Variants in CMC2 observed in about 807,000 individuals in gnomAD.
The protein encoded by CMC2 is COX assembly mitochondrial protein 2 homolog.
In CMC2, 5 loss-of-function variants were observed where a neutral mutation model predicts 7.5. The observed-to-expected ratio is 0.66, with a 90% CI of 0.35 to 1.40. CMC2 has a LOEUF of 1.40. Ranked by LOEUF, CMC2 falls within the 40% of genes most tolerant of loss-of-function variation. CMC2 has a pLI of 0.04. For synonymous variants in CMC2, 37 were observed against 31.4 expected (o/e 1.18, Z -0.60); for missense variants, 115 against 92.3 (o/e 1.25, Z -1.01).
Position 80,997,188 on chromosome 16 carries a change from T to G in CMC2, c.81+126A>C, listed in dbSNP as rs1373046625. On this transcript the variant is annotated intron_variant, in intron 2 of 3. Transcript: ENST00000219400. ...AAATCGCACATATCAACTGCTAATCTTGACTAAACTCAGACTCCTTACTAA... is the reference window on the plus strand; with the variant it reads ...AAATCGCACATATCAACTGCTAATCGTGACTAAACTCAGACTCCTTACTAA... The G allele has an allele frequency of 6.0e-6, 4 of 666,154 alleles. No individual in the cohort carries two copies. In the Admixed American group the frequency reaches 7.3e-5, roughly 12 times the overall value. 41.3% of individuals were successfully genotyped at this position (666,154 alleles called of 1,614,324 possible). A position where few individuals can be genotyped will look rare whatever the true frequency, so the allele number is the denominator to read the frequency against.
chr16:80,997,285 G>T, intron 2 of CMC2, 29 bp downstream of exon 2: 2 of 1,196,804 alleles, frequency 1.7e-6, no homozygotes, highest in Non-Finnish European at 2.5e-6. Context: ...TTTCATTTTG[G>T]CTGTACAGTC....
chr16:80,967,776 A>G lies in CMC2; in HGVS notation c.*8317T>C, dbSNP rs1911656278. 6.6e-6 allele frequency: 1 copy of G among 152,228 alleles called. No individual in the cohort carries two copies. The highest frequency in any genetic ancestry group is 1.5e-5 in the Non-Finnish European group (1 of 68,024). The allele number at this position is 152,228 out of a possible 1,614,324, so 9.4% of individuals were successfully genotyped here. On this transcript the variant is annotated 3_prime_UTR_variant, in exon 4 of 4. Coordinates refer to ENST00000219400, the MANE Select transcript of CMC2 (RefSeq NM_020188.5). ...CCAGGTCTAAATTTCTGTATGCAGA[A>G]TTGCAGAATGCTTTACTTTCTTAGC...
intron 3 of CMC2, 120 bp from the exon 4 acceptor site, chr16:80,976,299 AT>A (rs917883115): frequency 8.4e-6 from 5 of 594,994 alleles, no homozygotes; most frequent in African/African-American, 5.7e-5. Flanking sequence ...CAGGGTTTAA[AT>A]TTTTTAAACA....
At chr16:81,000,069 G>C (rs1301822907) in intron 1 of CMC2, among the ~76,000 whole-genome samples, 1 of 152,094 alleles carries the variant, frequency 6.6e-6, no homozygotes, top group Non-Finnish European at 1.5e-5. Flanking sequence ...AACAGCAAAA[G>C]AAACTATGAA....
rs1397908796 is a variant in CMC2, at chr16:80,975,056, T to C, written c.*1037A>G. ...ACCTGACAAGATCAAGCCCCTGCTGTGACTGCAGCTGGAAGCTGCTGACTT... is the reference window on the plus strand; with the variant it reads ...ACCTGACAAGATCAAGCCCCTGCTGCGACTGCAGCTGGAAGCTGCTGACTT... On this transcript the variant is annotated 3_prime_UTR_variant, in exon 4 of 4. Transcript: ENST00000219400. The C allele has an allele frequency of 6.6e-6, 1 of 152,292 alleles. No individual in the cohort carries two copies. Among genetic ancestry groups the C allele is most frequent in the East Asian group, 1.9e-4 (1 of 5,190 alleles). 9.4% of individuals were successfully genotyped at this position (152,292 alleles called of 1,614,324 possible).
intron 2 of CMC2, chr16:80,991,678 A>T (rs1968005485): frequency 4.5e-6 from 1 of 223,618 alleles, no homozygotes; most frequent in Non-Finnish European, 9.1e-6. Context: ...CACGTATCTC[A>T]GCCAGGTGAT....
At position 80,976,109 on chromosome 16, in the gene CMC2, T is replaced by C. The variant is rs1912294446; in HGVS notation, c.224A>G (p.Glu75Gly). ...AMRKKLFNPP[E>G]ESEK The stretch of plus-strand genomic sequence containing the variant: ...AAATACAATTTATTTTTCGGATTCC[T>C]CTGGAGGATTAAAAAGTTTCTTTCG... The change falls in exon 4 of 4, where the codon GAG becomes GGG. Residue 75 changes from glutamate to glycine, a missense_variant. Transcript: ENST00000219400. The C allele has an allele frequency of 6.2e-7, 1 of 1,602,516 alleles. No homozygotes were observed. Among genetic ancestry groups the C allele is most frequent in the Non-Finnish European group, 8.5e-7 (1 of 1,169,756 alleles).
chr16:80,984,125 G>C (rs1967343332), intron 2 of CMC2: 2 of 152,178 alleles, frequency 1.3e-5, no homozygotes, highest in South Asian at 2.1e-4. Context: ...GTTGTTTCTA[G>C]TCCTATGAGT....
intron 3 of CMC2, among the ~76,000 whole-genome samples, chr16:80,981,490 T>C (rs1048620723): frequency 9.9e-5 from 15 of 152,232 alleles, no homozygotes; most frequent in Non-Finnish European, 2.2e-4. Context: ...AATCAGCTAA[T>C]AGGTGACTGA....
chr16:80,978,237 T>C, intron 3 of CMC2: 1 of 1,046,966 alleles, frequency 9.6e-7, no homozygotes, highest in Non-Finnish European at 1.2e-6. Context: ...AGCTTTCATA[T>C]CTACCTTTAA....
rs1253991916 is a variant in CMC2, at chr16:80,968,562, A to C, written c.*7531T>G. 2 of 152,156 alleles carry C rather than the reference A, an allele frequency of 1.3e-5. No homozygotes were observed. Among genetic ancestry groups the C allele is most frequent in the Admixed American group, 6.5e-5 (1 of 15,282 alleles). The allele number at this position is 152,156 out of a possible 1,614,324, so 9.4% of individuals were successfully genotyped here. A position where few individuals can be genotyped will look rare whatever the true frequency, so the allele number is the denominator to read the frequency against. ...TCTTCTAGGAATGAGTTAGTTCTCT[A>C]ACTGTTGAAAATATAATCATTCCTA... On this transcript the variant is annotated 3_prime_UTR_variant, in exon 4 of 4. Transcript: ENST00000219400.
intron 1 of CMC2, 94 bp from the exon 2 acceptor site, chr16:80,997,523 G>A: frequency 3.1e-6 from 2 of 652,594 alleles, no homozygotes; most frequent in South Asian, 1.8e-5. Flanking sequence ...CTTTATCAGA[G>A]AAGTATGTTA....
rs1487473865 is a variant in CMC2, at chr16:80,976,054, A to T, written c.*39T>A. 1 of 1,143,600 alleles carries T rather than the reference A, an allele frequency of 8.7e-7. No individual in the cohort carries two copies. Among genetic ancestry groups the T allele is most frequent in the Non-Finnish European group, 1.3e-6 (1 of 753,692 alleles). 70.8% of individuals were successfully genotyped at this position (1,143,600 alleles called of 1,614,324 possible). A position where few individuals can be genotyped will look rare whatever the true frequency, so the allele number is the denominator to read the frequency against. On this transcript the variant is annotated 3_prime_UTR_variant, in exon 4 of 4. Coordinates refer to ENST00000219400, the MANE Select transcript of CMC2 (RefSeq NM_020188.5). ...TTTCAGGTATCAACCCAGAGTCTTT[A>T]GGTCTTCTCTCAGCCAAGGCATCGA...
intron 3 of CMC2, among the ~76,000 whole-genome samples, chr16:80,981,293 C>A (rs1311779520): frequency 7.9e-5 from 12 of 152,110 alleles, no homozygotes; most frequent in Non-Finnish European, 5.9e-5. Flanking sequence ...TTGCCCAAGT[C>A]CAAGTTGTGC....
intron 1 of CMC2, among the ~76,000 whole-genome samples, chr16:81,005,082 C>T (rs1486596111): frequency 6.6e-6 from 1 of 152,208 alleles, no homozygotes; most frequent in Non-Finnish European, 1.5e-5. Flanking sequence ...TGTGCAGAGT[C>T]TGAAGAAACT....
intron 1 of CMC2, among the ~76,000 whole-genome samples, chr16:81,003,766 G>C (rs1394549502): frequency 7.1e-6 from 1 of 140,504 alleles, no homozygotes. Flanking sequence ...TGGAAATAGT[G>C]AGTCTGTCAA....
intron 2 of CMC2, among the ~76,000 whole-genome samples, chr16:80,991,116 T>C (rs75987996): frequency 6.6e-6 from 1 of 151,834 alleles, no homozygotes; most frequent in Non-Finnish European, 1.5e-5. Context: ...CAAAGTAGTA[T>C]TGGATTATAA....
At chr16:80,986,278 A>G (rs1391105802) in intron 2 of CMC2, among the ~76,000 whole-genome samples, 2 of 152,146 alleles carry the variant, frequency 1.3e-5, no homozygotes, top group African/African-American at 4.8e-5. Flanking sequence ...TGAACCGGAG[A>G]GACGGAAGTT....
intron 2 of CMC2, chr16:80,988,631 T>A (rs1278103926): frequency 1.4e-6 from 1 of 697,126 alleles, no homozygotes. Flanking sequence ...TAAGTCTCCA[T>A]ACGATTACCA....
Sources: gnomAD v4.1 joint callset for allele counts (sites outside exome capture counted in the v4.1 genomes callset) on GRCh38, gnomAD v4.1.1 for gene constraint, MANE v1.5 for transcripts, NCBI Gene and HGNC (gene_info 2026-07-23, HGNC 2026-07-21) for gene names.